POU6F2: variants seen among roughly 807,000 people sequenced by gnomAD.
The protein encoded by POU6F2 is POU domain, class 6, transcription factor 2.
A neutral mutation model predicts 71.3 loss-of-function variants in POU6F2; 31 were observed. That is an observed-to-expected ratio of 0.43 (90% CI 0.33 to 0.59). The LOEUF is 0.59. POU6F2 is among the 20% of genes least tolerant of loss of function. The pLI, the probability that POU6F2 is intolerant of heterozygous loss-of-function variation, is 0.04. For missense variants in POU6F2, 783 were observed against 856.8 expected, an observed-to-expected ratio of 0.91 and a Z score of 1.07; for synonymous variants, 347 against 355.7, an observed-to-expected ratio of 0.98 and a Z score of 0.27.
chr7:39,092,143 A>G (rs1270754135), intron 2 of POU6F2, among the ~76,000 whole-genome samples: 3 of 152,202 alleles, frequency 2.0e-5, no homozygotes, highest in African/African-American at 7.2e-5. Flanking sequence ...AAAAGATAGC[A>G]AAGTGTTTAT....
At chr7:39,339,536 A>T in intron 4 of POU6F2, 106 bp from the exon 5 acceptor site, 1 of 1,412,658 alleles carries the variant, frequency 7.1e-7, no homozygotes, top group Non-Finnish European at 9.3e-7. Context: ...AAGGACAAGA[A>T]TTTTCTAAAG....
At chr7:39,066,910 C>A (rs1008291639) in intron 1 of POU6F2, among the ~76,000 whole-genome samples, 1 of 146,998 alleles carries the variant, frequency 6.8e-6, no homozygotes, top group African/African-American at 2.5e-5. Context: ...TATATAATAT[C>A]ATATTATTAT....
chr7:39,230,232 C>T (rs956019738), intron 4 of POU6F2, among the ~76,000 whole-genome samples: 5 of 152,154 alleles, frequency 3.3e-5, no homozygotes, highest in African/African-American at 1.2e-4. Context: ...GTAATCCCAG[C>T]ATTTTGGGAG....
chr7:39,025,599 C>T (rs1282505034), intron 1 of POU6F2, among the ~76,000 whole-genome samples: 7 of 151,882 alleles, frequency 4.6e-5, no homozygotes, highest in African/African-American at 1.7e-4. Flanking sequence ...AAAATTAGTT[C>T]AAGATGGATT....
intron 2 of POU6F2, among the ~76,000 whole-genome samples, chr7:39,191,496 G>A (rs1009276255): frequency 6.7e-6 from 1 of 150,284 alleles, no homozygotes; most frequent in Non-Finnish European, 1.5e-5. Context: ...TATAATCAGA[G>A]TCCAAGTCAT....
intron 1 of POU6F2, among the ~76,000 whole-genome samples, chr7:39,035,691 A>G (rs1790046042): frequency 6.6e-6 from 1 of 151,658 alleles, no homozygotes; most frequent in East Asian, 1.9e-4. Flanking sequence ...TTAAGTTGAA[A>G]CACATTTGCC....
At chr7:39,381,910 G>C (rs1323361809) in intron 5 of POU6F2, among the ~76,000 whole-genome samples, 1 of 152,080 alleles carries the variant, frequency 6.6e-6, no homozygotes, top group Non-Finnish European at 1.5e-5. Context: ...TGAGCTAATA[G>C]CTATGTAATT....
intron 2 of POU6F2, among the ~76,000 whole-genome samples, chr7:39,172,435 C>G (rs1793236212): frequency 6.6e-6 from 1 of 152,004 alleles, no homozygotes; most frequent in Non-Finnish European, 1.5e-5. Context: ...TTGAATTACC[C>G]TATAGAACTT....
At chr7:39,256,049 C>T (rs1004136982) in intron 4 of POU6F2, among the ~76,000 whole-genome samples, 2 of 152,048 alleles carry the variant, frequency 1.3e-5, no homozygotes, top group African/African-American at 4.8e-5. Context: ...AGGTTACAAG[C>T]GTGAGAATGA....
At chr7:39,246,904 G>GATTTTT (rs1584623209) in intron 4 of POU6F2, among the ~76,000 whole-genome samples, 1 of 85,390 alleles carries the variant, frequency 1.2e-5, no homozygotes. Context: ...ATCCAGGGTG[G>GATTTTT]CTTTTTTTTT....
At chr7:39,014,542 A>G (rs1057272296) in intron 1 of POU6F2, among the ~76,000 whole-genome samples, 5 of 152,246 alleles carry the variant, frequency 3.3e-5, no homozygotes, top group South Asian at 2.1e-4. Flanking sequence ...AAGAACGTCT[A>G]TGTGCAAGGC....
intron 4 of POU6F2, among the ~76,000 whole-genome samples, chr7:39,293,733 G>C (rs766858402): frequency 6.6e-6 from 1 of 152,172 alleles, no homozygotes; most frequent in East Asian, 1.9e-4. Context: ...CCTGAAGACC[G>C]AGTTCACATT....
At chr7:39,072,569 C>G (rs1230217996) in intron 1 of POU6F2, among the ~76,000 whole-genome samples, 1 of 152,204 alleles carries the variant, frequency 6.6e-6, no homozygotes, top group Non-Finnish European at 1.5e-5. Context: ...CTTGACAACA[C>G]GTTAGCCATT....
intron 2 of POU6F2, among the ~76,000 whole-genome samples, chr7:39,183,126 C>T (rs1793467781): frequency 2.0e-5 from 3 of 152,278 alleles, no homozygotes; most frequent in Admixed American, 2.0e-4. Flanking sequence ...GCATTAGATT[C>T]TCATAGGAGC....
chr7:39,080,530 T>C (rs1242637848), intron 1 of POU6F2, among the ~76,000 whole-genome samples: 1 of 152,204 alleles, frequency 6.6e-6, no homozygotes, highest in Non-Finnish European at 1.5e-5. Flanking sequence ...AATACATTTT[T>C]TTTCTTTATA....
At chr7:39,146,145 G>A (rs1011220416) in intron 2 of POU6F2, among the ~76,000 whole-genome samples, 3 of 152,168 alleles carry the variant, frequency 2.0e-5, no homozygotes, top group African/African-American at 7.2e-5. Context: ...TGGAAATGAT[G>A]ATCTAATTTA....
chr7:39,326,523 A>G (rs1001014911), intron 4 of POU6F2, among the ~76,000 whole-genome samples: 3 of 152,256 alleles, frequency 2.0e-5, no homozygotes, highest in Admixed American at 6.5e-5. Flanking sequence ...CCAAACATCA[A>G]TTAAGCAAAA....
chr7:39,351,195 T>C (rs1005612596), intron 5 of POU6F2, among the ~76,000 whole-genome samples: 2 of 152,250 alleles, frequency 1.3e-5, no homozygotes, highest in African/African-American at 2.4e-5. Context: ...CCTTTGTTTA[T>C]GCAAAATGCT....
chr7:38,992,697 T>G (rs1788635846), intron 1 of POU6F2, among the ~76,000 whole-genome samples: 1 of 145,576 alleles, frequency 6.9e-6, no homozygotes, highest in Admixed American at 6.8e-5. Flanking sequence ...GAAAATATTC[T>G]TCTATTTTTT....
Sources: allele counts gnomAD v4.1 joint callset (sites outside exome capture counted in the v4.1 genomes callset), GRCh38; gene constraint gnomAD v4.1.1; transcripts MANE v1.5; gene names NCBI Gene and HGNC (gene_info 2026-07-23, HGNC 2026-07-21).